ASAP2: variants seen among roughly 807,000 people sequenced by gnomAD.
ASAP2 encodes the protein arf-GAP with SH3 domain, ANK repeat and PH domain-containing protein 2.
A neutral mutation model predicts 131.4 loss-of-function variants in ASAP2; 45 were observed. That is an observed-to-expected ratio of 0.34 (90% CI 0.27 to 0.44). The LOEUF (loss-of-function observed/expected upper bound fraction) is 0.44. Among genes scored for constraint, ASAP2 ranks in the 20% least tolerant of loss-of-function variants. ASAP2 has a pLI of 1.00. For missense variants in ASAP2, 1,011 were observed against 1,297.0 expected (o/e 0.78, Z 3.39); for synonymous variants, 510 against 503.0 (o/e 1.01, Z -0.19).
rs760405024 is a variant in ASAP2, at chr2:9,344,644, G to A, written c.953+9G>A. ...TACAAGAAGAGTGACGGGTACGTGA[G>A]GGGGTGTGGCTAGAGTTTAAATGTA... On this transcript the variant is annotated intron_variant, in intron 10 of 27. Transcript: ENST00000281419. 1 of 1,613,764 alleles carries A rather than the reference G, an allele frequency of 6.2e-7. No homozygotes were observed. The highest frequency in any genetic ancestry group is 8.5e-7 in the Non-Finnish European group (1 of 1,179,632).
At chr2:9,218,120 A>G (rs1458009463) in intron 1 of ASAP2, among the ~76,000 whole-genome samples, 2 of 152,084 alleles carry the variant, frequency 1.3e-5, no homozygotes, top group African/African-American at 4.8e-5. Context: ...AGTGCTGTGG[A>G]GGAGGTCCTA....
chr2:9,308,813 G>A (rs999863097), intron 3 of ASAP2, among the ~76,000 whole-genome samples: 5 of 152,122 alleles, frequency 3.3e-5, no homozygotes, highest in Non-Finnish European at 7.4e-5. Context: ...TGGGGGTCAC[G>A]GCACATACTT....
intron 17 of ASAP2, 81 bp from the exon 18 acceptor site, chr2:9,376,827 T>G: frequency 8.0e-7 from 1 of 1,256,816 alleles, no homozygotes; most frequent in Non-Finnish European, 1.2e-6. Flanking sequence ...TTTGGAAGAG[T>G]TGTACACGAT....
intron 15 of ASAP2, among the ~76,000 whole-genome samples, chr2:9,365,973 G>A (rs994032541): frequency 6.6e-6 from 1 of 152,106 alleles, no homozygotes; most frequent in African/African-American, 2.4e-5. Flanking sequence ...TTCTGCCTCA[G>A]TGCAGCCCAC....
In ASAP2 at chr2:9,215,718, TATAATTATTATATTTC is replaced by T. The variant is rs1484401861; in HGVS notation, c.126+8501_126+8516del. Among the ~76,000 whole-genome samples, 10 of 147,692 alleles carry T rather than the reference TATAATTATTATATTTC, an allele frequency of 6.8e-5. No homozygotes were observed. In the East Asian group the frequency reaches 1.6e-3, roughly 23 times the overall value. On this transcript the variant is annotated intron_variant, in intron 1 of 27. Transcript: ENST00000281419. ...TTCTTTAACCACTCTGTTTGTTAAATATAATTATTATATTTCATAATTATTATACTGTCCTTGCCAT... is the reference window on the plus strand; with the variant it reads ...TTCTTTAACCACTCTGTTTGTTAAATATAATTATTATACTGTCCTTGCCAT...
Position 9,254,720 on chromosome 2 carries a change from C to T in ASAP2, c.127-24597C>T, listed in dbSNP as rs369514989. Among the ~76,000 whole-genome samples, 3 of 151,254 alleles carry T rather than the reference C, an allele frequency of 2.0e-5. No homozygotes were observed. The East Asian group carries it at 5.8e-4, about 29-fold the overall frequency. Reference sequence around the variant, plus strand: ...GGTATGTGTGTATAGAAAAAAAAAACCCAGTATATACAGGATTTGGTACTG... The same window carrying T: ...GGTATGTGTGTATAGAAAAAAAAAATCCAGTATATACAGGATTTGGTACTG... On this transcript the variant is annotated intron_variant, in intron 1 of 27. Coordinates refer to ENST00000281419, the MANE Select transcript of ASAP2 (RefSeq NM_003887.3).
chr2:9,315,615 C>T (rs1288337729), intron 3 of ASAP2, among the ~76,000 whole-genome samples: 1 of 152,104 alleles, frequency 6.6e-6, no homozygotes, highest in Non-Finnish European at 1.5e-5. Flanking sequence ...GAGGCGGGAA[C>T]TGTGACGGGA....
intron 2 of ASAP2, among the ~76,000 whole-genome samples, chr2:9,297,014 G>A (rs1459911323): frequency 1.3e-5 from 2 of 152,196 alleles, no homozygotes; most frequent in Admixed American, 6.5e-5. Flanking sequence ...CCTCGGAGAG[G>A]TGGAAATGTT....
chr2:9,269,346 C>T (rs1222949586), intron 1 of ASAP2, among the ~76,000 whole-genome samples: 11 of 152,000 alleles, frequency 7.2e-5, no homozygotes, highest in African/African-American at 2.2e-4. Flanking sequence ...TGGAAATGTT[C>T]GTCTGGAAAC....
intron 1 of ASAP2, among the ~76,000 whole-genome samples, chr2:9,264,896 T>G (rs942381688): frequency 2.0e-5 from 3 of 152,166 alleles, no homozygotes; most frequent in African/African-American, 7.2e-5. Context: ...CCTAGCACTT[T>G]GGGAGGCTGA....
In ASAP2 at chr2:9,334,278, G is replaced by C. The variant is rs140236738; in HGVS notation, c.687-460G>C. Among the ~76,000 whole-genome samples, 993 of 150,478 alleles carry C rather than the reference G, an allele frequency of 6.6e-3. 14 individuals carry two copies. The highest frequency in any genetic ancestry group is 0.023 in the African/African-American group (945 of 40,850). The stretch of plus-strand genomic sequence containing the variant: ...TTGGCCAGCTGGTCTGGAACTCCTG[G>C]TCTCTAGTGATCCTCCCACCTTGGC... On this transcript the variant is annotated intron_variant, in intron 7 of 27. Coordinates refer to ENST00000281419, the MANE Select transcript of ASAP2 (RefSeq NM_003887.3).
chr2:9,288,529 G>A (rs1463010672), intron 2 of ASAP2, among the ~76,000 whole-genome samples: 1 of 152,062 alleles, frequency 6.6e-6, no homozygotes, highest in Non-Finnish European at 1.5e-5. Context: ...GGGTCATGGG[G>A]TATGACGTGG....
chr2:9,294,785 T>C (rs1668051266), intron 2 of ASAP2, among the ~76,000 whole-genome samples: 1 of 152,164 alleles, frequency 6.6e-6, no homozygotes, highest in Non-Finnish European at 1.5e-5. Context: ...TTTGCATTCA[T>C]TGCCCAGCAC....
At chr2:9,308,103 G>C (rs1356842815) in intron 3 of ASAP2, among the ~76,000 whole-genome samples, 1 of 152,192 alleles carries the variant, frequency 6.6e-6, no homozygotes, top group Non-Finnish European at 1.5e-5. Flanking sequence ...AGACATATCT[G>C]AGACTGGGTA....
At chr2:9,314,047 C>T (rs1441500597) in intron 3 of ASAP2, among the ~76,000 whole-genome samples, 1 of 152,056 alleles carries the variant, frequency 6.6e-6, no homozygotes, top group Admixed American at 6.5e-5. Context: ...GCAGTGGTGT[C>T]ATCTTGGCTC....
At chr2:9,227,254 G>C (rs1366294177) in intron 1 of ASAP2, among the ~76,000 whole-genome samples, 2 of 152,144 alleles carry the variant, frequency 1.3e-5, no homozygotes, top group Non-Finnish European at 2.9e-5. Flanking sequence ...CCAATCCTAA[G>C]GGCATGTGCT....
At chr2:9,271,779 A>G (rs1572317126) in intron 1 of ASAP2, among the ~76,000 whole-genome samples, 1 of 150,074 alleles carries the variant, frequency 6.7e-6, no homozygotes. Context: ...TTTTTTTTTT[A>G]GCTCCCACAA....
intron 19 of ASAP2, among the ~76,000 whole-genome samples, chr2:9,380,538 G>C (rs912782247): frequency 6.6e-6 from 1 of 152,184 alleles, no homozygotes; most frequent in South Asian, 2.1e-4. Context: ...ATCTTTTAAA[G>C]TTTTACCTTC....
rs766762727 is a variant in ASAP2, at chr2:9,388,285, C to T, written c.2131-9C>T. 1 of 1,613,266 alleles carries T rather than the reference C, an allele frequency of 6.2e-7. No individual in the cohort carries two copies. Among genetic ancestry groups the T allele is most frequent in the Non-Finnish European group, 8.5e-7 (1 of 1,179,904 alleles). ...TCTCACACGCCTCTGCCCCAATGTT[C>T]TCCTGCAGCCCAGTCCCAACCGGCG... On this transcript the variant is annotated splice_polypyrimidine_tract_variant and intron_variant, in intron 21 of 27. Coordinates refer to ENST00000281419, the MANE Select transcript of ASAP2 (RefSeq NM_003887.3).
Sources: allele counts gnomAD v4.1 joint callset (sites outside exome capture counted in the v4.1 genomes callset), GRCh38; gene constraint gnomAD v4.1.1; transcripts MANE v1.5; gene names NCBI Gene and HGNC (gene_info 2026-07-23, HGNC 2026-07-21).